Variants in UVRAG observed in about 807,000 individuals in gnomAD.
UVRAG encodes the protein UV radiation resistance associated.
A neutral mutation model predicts 78.0 loss-of-function variants in UVRAG; 19 were observed. That is an observed-to-expected ratio of 0.24 (90% CI 0.17 to 0.36). The LOEUF (loss-of-function observed/expected upper bound fraction) is 0.36, where lower values mean the gene tolerates loss of function less well. Among genes scored for constraint, UVRAG ranks in the 10% least tolerant of loss-of-function variants. The pLI, the probability that UVRAG is intolerant of heterozygous loss-of-function variation, is 1.00. For missense variants in UVRAG, 740 were observed against 853.8 expected (o/e 0.87, Z 1.66); for synonymous variants, 323 against 324.6 (o/e 1.00, Z 0.05).
chr11:75,971,002 C>G (rs1007089940), intron 7 of UVRAG, among the ~76,000 whole-genome samples: 3 of 152,134 alleles, frequency 2.0e-5, no homozygotes, highest in African/African-American at 7.2e-5. Flanking sequence ...TAAAAATATC[C>G]TATCCTCCAC....
At chr11:75,954,620 G>A (rs1187445924) in intron 6 of UVRAG, among the ~76,000 whole-genome samples, 1 of 152,104 alleles carries the variant, frequency 6.6e-6, no homozygotes, top group Non-Finnish European at 1.5e-5. Flanking sequence ...TCAAATTTTG[G>A]GACTGTGCTT....
chr11:76,070,089 GCACA>G (rs141751176), intron 13 of UVRAG, among the ~76,000 whole-genome samples: 1 of 151,944 alleles, frequency 6.6e-6, no homozygotes, highest in South Asian at 2.1e-4. Context: ...CAAACACAAC[GCACA>G]CACACACAAA....
intron 7 of UVRAG, 86 bp downstream of exon 7, chr11:75,961,635 CT>C: frequency 9.8e-7 from 1 of 1,017,962 alleles, no homozygotes; most frequent in Non-Finnish European, 1.4e-6. Flanking sequence ...TTAAAAAACG[CT>C]TTAGATCGTT....
In UVRAG at chr11:76,016,859, C is replaced by T. The variant is rs754187242; in HGVS notation, c.1105C>T (p.His369Tyr). The T allele has an allele frequency of 6.8e-6, 11 of 1,612,060 alleles. No individual in the cohort carries two copies. Among genetic ancestry groups the T allele is most frequent in the African/African-American group, 4.0e-5 (3 of 74,848 alleles). ...SIAVALGYTAHLVSMISFFLQ... is the reference protein window; with the variant it reads ...SIAVALGYTAYLVSMISFFLQ... Reference sequence around the variant, plus strand: ...TGCTGTTGCCCTTGGTTATACTGCACATCTGGTCTCCATGATTTCCTTTTT... The same window carrying T: ...TGCTGTTGCCCTTGGTTATACTGCATATCTGGTCTCCATGATTTCCTTTTT... The change falls in exon 12 of 15, where the codon CAT (histidine) becomes TAT (tyrosine). Residue 369 changes from histidine (H) to tyrosine (Y), a missense_variant. His to Tyr is a moderately conservative substitution (Grantham distance 83). Transcript: ENST00000356136.
At chr11:76,052,388 C>T (rs952302871) in intron 12 of UVRAG, among the ~76,000 whole-genome samples, 1 of 152,192 alleles carries the variant, frequency 6.6e-6, no homozygotes, top group African/African-American at 2.4e-5. Flanking sequence ...CCTCTTTCAC[C>T]TCAGGACATG....
chr11:75,822,119 A>G (rs999081732), intron 1 of UVRAG, among the ~76,000 whole-genome samples: 30 of 151,198 alleles, frequency 2.0e-4, no homozygotes, highest in African/African-American at 6.8e-4. Context: ...TAATTCTTCT[A>G]TTTTCAGTAG....
intron 1 of UVRAG, among the ~76,000 whole-genome samples, chr11:75,825,134 G>A (rs1362801079): frequency 3.4e-5 from 5 of 148,180 alleles, no homozygotes; most frequent in Non-Finnish European, 6.0e-5. Flanking sequence ...TTGAGACAGC[G>A]TTACCCTGTT....
In UVRAG at chr11:76,081,938, C is replaced by CAA. The variant is rs775703377; in HGVS notation, c.1305+16166_1305+16167dup. Among the ~76,000 whole-genome samples, 258 of 69,656 alleles carry CAA rather than the reference C, an allele frequency of 3.7e-3. 1 individual carries two copies. The highest frequency in any genetic ancestry group is 0.014 in the East Asian group (34 of 2,392). 45.7% of individuals were successfully genotyped at this position (69,656 alleles called of 152,430 possible). ...ATGATGTAGAGTAAAAGAACCAAAG[C>CAA]AAAAAAAAAAAAAAAAATCCACAAT... is the stretch of plus-strand genomic sequence containing the variant. On this transcript the variant is annotated intron_variant, in intron 13 of 14. Transcript: ENST00000356136.
At chr11:75,857,639 G>A (rs1417998500) in intron 2 of UVRAG, among the ~76,000 whole-genome samples, 2 of 151,990 alleles carry the variant, frequency 1.3e-5, no homozygotes, top group African/African-American at 4.8e-5. Flanking sequence ...ACAGGTGTAT[G>A]CCACCACGCC....
intron 5 of UVRAG, among the ~76,000 whole-genome samples, chr11:75,905,042 T>G (rs1386182530): frequency 6.6e-6 from 1 of 152,186 alleles, no homozygotes; most frequent in African/African-American, 2.4e-5. Context: ...GGCTTTTAGT[T>G]GTATGTCGGT....
At chr11:75,970,318 C>G (rs1383358950) in intron 7 of UVRAG, among the ~76,000 whole-genome samples, 1 of 152,220 alleles carries the variant, frequency 6.6e-6, no homozygotes, top group Non-Finnish European at 1.5e-5. Flanking sequence ...AATTGTATCT[C>G]TGGCTGGTAG....
intron 12 of UVRAG, among the ~76,000 whole-genome samples, chr11:76,040,885 A>G (rs1950636610): frequency 6.6e-6 from 1 of 152,148 alleles, no homozygotes; most frequent in Non-Finnish European, 1.5e-5. Context: ...GCAAGTGTTA[A>G]GTGGAAATAG....
chr11:75,833,384 A>C (rs1384352626), intron 1 of UVRAG, among the ~76,000 whole-genome samples: 1 of 152,180 alleles, frequency 6.6e-6, no homozygotes, highest in East Asian at 1.9e-4. Context: ...CTCTTTCTGA[A>C]TATGTGTAGA....
intron 3 of UVRAG, among the ~76,000 whole-genome samples, chr11:75,874,976 C>T: frequency 6.6e-6 from 1 of 152,176 alleles, no homozygotes; most frequent in Non-Finnish European, 1.5e-5. Context: ...CTGCTGTTCC[C>T]AAGCCCATCC....
intron 12 of UVRAG, among the ~76,000 whole-genome samples, chr11:76,045,726 AAAGAT>A (rs1404434616): frequency 2.0e-5 from 3 of 151,426 alleles, no homozygotes; most frequent in Non-Finnish European, 4.4e-5. Context: ...GCCGGAGATC[AAAGAT>A]AAGAAAGAAA....
At chr11:76,124,690 C>T (rs988002481) in intron 14 of UVRAG, among the ~76,000 whole-genome samples, 1 of 152,200 alleles carries the variant, frequency 6.6e-6, no homozygotes, top group African/African-American at 2.4e-5. Flanking sequence ...TAACTAGTGG[C>T]TTTATGTGAG....
intron 4 of UVRAG, among the ~76,000 whole-genome samples, chr11:75,882,694 T>G (rs985505333): frequency 1.3e-5 from 2 of 152,088 alleles, no homozygotes; most frequent in African/African-American, 4.8e-5. Flanking sequence ...TTCCCAAGCC[T>G]CCTCCCCTCC....
chr11:76,092,361 G>A (rs1343143085), intron 13 of UVRAG, among the ~76,000 whole-genome samples: 2 of 152,160 alleles, frequency 1.3e-5, no homozygotes, highest in Admixed American at 1.3e-4. Context: ...CCAGTAATAG[G>A]ATGGCTGGGT....
intron 5 of UVRAG, among the ~76,000 whole-genome samples, chr11:75,892,782 C>G (rs765230979): frequency 2.6e-5 from 4 of 152,074 alleles, no homozygotes; most frequent in Non-Finnish European, 5.9e-5. Flanking sequence ...TTAACAAAGC[C>G]GCAAGCAGAG....
Sources: allele counts gnomAD v4.1 joint callset (sites outside exome capture counted in the v4.1 genomes callset), GRCh38; gene constraint gnomAD v4.1.1; transcripts MANE v1.5; gene names NCBI Gene and HGNC (gene_info 2026-07-23, HGNC 2026-07-21).